Variants in COL27A1 observed in about 807,000 individuals in gnomAD.
COL27A1 encodes collagen type XXVII alpha 1 chain, also known as collagen alpha-1(XXVII) chain.
COL27A1 carries 106 observed loss-of-function variants against 251.3 expected under a neutral mutation model. The observed-to-expected ratio is 0.42, with a 90% CI of 0.36 to 0.50. The LOEUF (loss-of-function observed/expected upper bound fraction) is 0.50. Ranked by LOEUF, COL27A1 falls within the 20% of genes least tolerant of loss-of-function variation. The pLI is 0.00. For missense variants in COL27A1, 2,325 were observed against 2,522.8 expected (o/e 0.92, Z 1.68); for synonymous variants, 1,000 against 986.3 (o/e 1.01, Z -0.26).
At chr9:114,186,161 C>A (rs1009524085) in intron 5 of COL27A1, among the ~76,000 whole-genome samples, 2 of 152,250 alleles carry the variant, frequency 1.3e-5, no homozygotes, top group Non-Finnish European at 2.9e-5. Flanking sequence ...CCTCCAGAGT[C>A]CAAGGCTTTG....
chr9:114,193,898 G>A (rs2135238379), intron 5 of COL27A1, among the ~76,000 whole-genome samples: 1 of 152,284 alleles, frequency 6.6e-6, no homozygotes, highest in Non-Finnish European at 1.5e-5. Context: ...CCTGGAGGAT[G>A]GACGCAGAGC....
At chr9:114,156,033 G>GCC (rs1361509343) in intron 1 of COL27A1, 21 bp downstream of exon 1, 1 of 1,297,028 alleles carries the variant, frequency 7.7e-7, no homozygotes, top group African/African-American at 1.5e-5. Context: ...ACTCGGGGAC[G>GCC]CCCCCTCCCT....
In COL27A1 at chr9:114,168,117, G is replaced by A. The variant is rs1013729278; in HGVS notation, c.562G>A (p.Asp188Asn). Residue 188 changes from aspartate to asparagine, a missense_variant, in exon 3 of 61, where the codon GAC becomes AAC. Physicochemically the swap from Asp to Asn is conservative, Grantham distance 23. Around this residue, in one of 4 missense-constraint regions of COL27A1, gnomAD observed 1,183 missense variants for 1,144.1 expected, o/e 1.03. Transcript: ENST00000356083. ...GCCTGTCCTGCTGCCTTTCCACAGGGACCCTGCACTCGACCCTGGGGGCTC... is the reference window on the plus strand; with the variant it reads ...GCCTGTCCTGCTGCCTTTCCACAGGAACCCTGCACTCGACCCTGGGGGCTC... ...RVPVLLPFHR[D>N]PALDPGGSFL... 1 of 1,612,476 alleles carries A rather than the reference G, an allele frequency of 6.2e-7. No individual in the cohort carries two copies. Among genetic ancestry groups the A allele is most frequent in the Non-Finnish European group, 8.5e-7 (1 of 1,180,038 alleles).
At chr9:114,165,573 TCATC>T (rs201870359) in intron 2 of COL27A1, among the ~76,000 whole-genome samples, 17 of 136,654 alleles carry the variant, frequency 1.2e-4, no homozygotes, top group East Asian at 4.7e-4. Flanking sequence ...ATTCATCTAT[TCATC>T]CATCCATCCA....
intron 56 of COL27A1, among the ~76,000 whole-genome samples, chr9:114,303,321 C>T (rs963403133): frequency 3.3e-5 from 5 of 151,128 alleles, no homozygotes; most frequent in African/African-American, 1.2e-4. Flanking sequence ...TCACTGCAAC[C>T]TCCTCCTCCC....
intron 5 of COL27A1, among the ~76,000 whole-genome samples, chr9:114,188,641 C>G (rs1312654722): frequency 6.6e-6 from 1 of 152,112 alleles, no homozygotes. Context: ...CACAGGCATA[C>G]ATACACATAT....
At chr9:114,210,921 G>A in intron 11 of COL27A1, 61 bp from the exon 12 acceptor site, 1 of 1,588,172 alleles carries the variant, frequency 6.3e-7, no homozygotes, top group Non-Finnish European at 8.6e-7. Context: ...CTGGTTTGGG[G>A]CAAGCCTGGC....
Position 114,169,089 on chromosome 9 carries a change from T to C in COL27A1, c.1534T>C (p.Ser512Pro). 6.2e-7 allele frequency: 1 copy of C among 1,613,774 alleles called. No individual in the cohort carries two copies. The highest frequency in any genetic ancestry group is 8.5e-7 in the Non-Finnish European group (1 of 1,179,908). ...ACCAGCCACGATGGTACCTCCAACT[T>C]CGGGCACCAGCACTCCCAGAACAGC... ...RPPATMVPPTSGTSTPRTAPA... is the reference protein window; with the variant it reads ...RPPATMVPPTPGTSTPRTAPA... Residue 512 changes from serine to proline, a missense_variant, in exon 3 of 61, where the codon TCG becomes CCG. Physicochemically the swap from Ser to Pro is moderately conservative, Grantham distance 74 (BLOSUM62 -1). This residue lies in a region of COL27A1 where 1,183 missense variants were observed against 1,144.1 expected (regional missense o/e 1.03). Coordinates refer to ENST00000356083, the MANE Select transcript of COL27A1 (RefSeq NM_032888.4).
intron 10 of COL27A1, 111 bp downstream of exon 10, chr9:114,206,407 C>A: frequency 1.9e-6 from 2 of 1,061,222 alleles, no homozygotes; most frequent in Non-Finnish European, 2.9e-6. Context: ...AAGGCCCTCC[C>A]ACTTGAGTGC....
At position 114,264,525 on chromosome 9, in the gene COL27A1, G is replaced by A. The variant is rs142038644; in HGVS notation, c.3249+117G>A. On this transcript the variant is annotated intron_variant, in intron 29 of 60. Transcript: ENST00000356083. ...TTAGGGACAACAAAGGGAGCCCCAT[G>A]GAGGCTGCAGGGCTCTTTCTGAGAG... The A allele has an allele frequency of 9.4e-6, 7 of 744,808 alleles. No individual in the cohort carries two copies. The East Asian group carries it at 2.1e-4, about 22-fold the overall frequency. 46.1% of individuals were successfully genotyped at this position (744,808 alleles called of 1,614,324 possible).
chr9:114,269,356 G>C, intron 35 of COL27A1, 62 bp downstream of exon 35: 1 of 1,244,684 alleles, frequency 8.0e-7, no homozygotes, highest in Non-Finnish European at 1.1e-6. Flanking sequence ...CGCAGGGGAA[G>C]AGACCGGCTT....
chr9:114,244,365 T>C (rs1439893710), intron 23 of COL27A1, among the ~76,000 whole-genome samples: 2 of 152,116 alleles, frequency 1.3e-5, no homozygotes, highest in Non-Finnish European at 2.9e-5. Context: ...AATAAATAGA[T>C]AGTACATATA....
chr9:114,154,105 T>G (rs1847980671), upstream of COL27A1, among the ~76,000 whole-genome samples: 1 of 151,912 alleles, frequency 6.6e-6, no homozygotes, highest in South Asian at 2.1e-4. The surrounding 1 kb of genome is among the most constrained non-coding windows in gnomAD (Gnocchi z 5.8). Flanking sequence ...CCAGCACCTA[T>G]GAGCCGCCCC....
intron 35 of COL27A1, 100 bp from the exon 36 acceptor site, chr9:114,270,628 T>G (rs1420599594): frequency 1.1e-6 from 1 of 877,746 alleles, no homozygotes; most frequent in Admixed American, 2.5e-5. Flanking sequence ...TGGAGATCCA[T>G]GGGTCAGGGT....
At chr9:114,265,148 CT>C in intron 31 of COL27A1, 38 bp downstream of exon 31, 2 of 1,394,252 alleles carry the variant, frequency 1.4e-6, no homozygotes, top group Non-Finnish European at 1.0e-6. Context: ...CTACATGGGG[CT>C]TTTGATGGGG....
Position 114,290,470 on chromosome 9 carries a change from G to A in COL27A1, c.4368+139G>A. ...AACACATCCAGAAGTTCTCTGGGGT[G>A]GGCAACCATCTCCTCCCCTGGCACC... On this transcript the variant is annotated intron_variant, in intron 47 of 60. Coordinates refer to ENST00000356083, the MANE Select transcript of COL27A1 (RefSeq NM_032888.4). This position sits in a 1 kb window ranked among gnomAD's most constrained non-coding sequence, Gnocchi z 4.6. 5.2e-6 allele frequency: 4 copies of A among 770,338 alleles called. No individual in the cohort carries two copies. The highest frequency in any genetic ancestry group is 2.1e-5 in the Admixed American group (1 of 48,038). 47.7% of individuals were successfully genotyped at this position (770,338 alleles called of 1,614,324 possible). A position where few individuals can be genotyped will look rare whatever the true frequency, so the allele number is the denominator to read the frequency against.
rs549541595 is a variant in COL27A1, at chr9:114,254,120, T to TG, written c.3141+1195dup. Among the ~76,000 whole-genome samples, 48 of 151,950 alleles carry TG rather than the reference T, an allele frequency of 3.2e-4. No homozygotes were observed. In the East Asian group the frequency reaches 4.3e-3, roughly 14 times the overall value. Reference sequence around the variant, plus strand: ...TTCCTTTGGAGCATGTAGTCTGGTATGGGGGGGCAGGGTAGATAGAACCCA... The same window carrying TG: ...TTCCTTTGGAGCATGTAGTCTGGTATGGGGGGGGCAGGGTAGATAGAACCCA... On this transcript the variant is annotated intron_variant, in intron 27 of 60. Coordinates refer to ENST00000356083, the MANE Select transcript of COL27A1 (RefSeq NM_032888.4).
chr9:114,188,118 G>A lies in COL27A1; in HGVS notation c.2016+5043G>A, dbSNP rs144735089. On this transcript the variant is annotated intron_variant, in intron 5 of 60. Transcript: ENST00000356083. ...GCAGTACAGCTCCGTGACTGCTCCGGCACAGCAGGGCTACCCCATAGGCAG... is the reference window on the plus strand; with the variant it reads ...GCAGTACAGCTCCGTGACTGCTCCGACACAGCAGGGCTACCCCATAGGCAG... Among the ~76,000 whole-genome samples, 197 of 152,320 alleles carry A rather than the reference G, an allele frequency of 1.3e-3. 2 individuals are homozygous for A. In the Middle Eastern group the frequency reaches 0.027, roughly 21 times the overall value.
chr9:114,178,464 C>T, intron 4 of COL27A1, 120 bp downstream of exon 4: 1 of 889,680 alleles, frequency 1.1e-6, no homozygotes, highest in Non-Finnish European at 1.9e-6. Flanking sequence ...TCTCTGGCAC[C>T]CATATTTGGC....
Sources: allele counts gnomAD v4.1 joint callset (sites outside exome capture counted in the v4.1 genomes callset), GRCh38; gene constraint gnomAD v4.1.1; regional missense constraint gnomAD v4.1.1; non-coding constraint Gnocchi (gnomAD v3.1); transcripts MANE v1.5; gene names NCBI Gene and HGNC (gene_info 2026-07-23, HGNC 2026-07-21).